NUP58: variants seen among roughly 807,000 people sequenced by gnomAD.
NUP58 encodes the protein nucleoporin p58/p45.
Under a neutral mutation model 70.1 loss-of-function variants are expected in NUP58, and 17 were observed. The observed-to-expected ratio is 0.24, with a 90% CI of 0.17 to 0.36. The LOEUF (loss-of-function observed/expected upper bound fraction) is 0.36. Ranked by LOEUF, NUP58 falls within the 10% of genes least tolerant of loss-of-function variation. The pLI is 1.00. For synonymous variants in NUP58, 275 were observed against 257.6 expected (o/e 1.07, Z -0.65); for missense variants, 644 against 701.5 (o/e 0.92, Z 0.93).
In NUP58 at chr13:25,339,533, T is replaced by G. The variant is rs73470468; in HGVS notation, c.1631-432T>G. 5.0e-3 allele frequency among the ~76,000 whole-genome samples: 755 copies of G among 152,366 alleles called. 4 individuals carry two copies. Among genetic ancestry groups the G allele is most frequent in the African/African-American group, 0.017 (707 of 41,594 alleles). ...CAGTAAGTACTGCTCTTTTGTTTGT[T>G]CATTGTCTTGAACATTGTGGGTTGA... On this transcript the variant is annotated intron_variant, in intron 15 of 15. Transcript: ENST00000381736.
At chr13:25,323,621 A>C (rs1593190003) in intron 9 of NUP58, among the ~76,000 whole-genome samples, 1 of 152,222 alleles carries the variant, frequency 6.6e-6, no homozygotes, top group African/African-American at 2.4e-5. Context: ...CTTTCTGGGA[A>C]ATATAAGCAG....
In NUP58 at chr13:25,313,604, C is replaced by T. The variant is rs765609266; in HGVS notation, c.437-10C>T. On this transcript the variant is annotated splice_polypyrimidine_tract_variant and intron_variant, in intron 4 of 15. Coordinates refer to ENST00000381736, the MANE Select transcript of NUP58 (RefSeq NM_014089.4). Reference sequence around the variant, plus strand: ...TGCCTTTTGAAAGCTTACTATCTCTCTTTTTATAGCATCCACAGGATTTAC... The same window carrying T: ...TGCCTTTTGAAAGCTTACTATCTCTTTTTTTATAGCATCCACAGGATTTAC... 4.8e-5 allele frequency: 72 copies of T among 1,485,062 alleles called. 2 individuals carry two copies. The South Asian group carries it at 1.0e-3, about 21-fold the overall frequency. The allele number at this position is 1,485,062 out of a possible 1,614,324, so 92.0% of individuals were successfully genotyped here. A position where few individuals can be genotyped will look rare whatever the true frequency, so the allele number is the denominator to read the frequency against.
intron 3 of NUP58, chr13:25,309,922 G>A (rs765125173): frequency 8.3e-6 from 2 of 241,492 alleles, no homozygotes; most frequent in East Asian, 1.6e-4. Context: ...AGGATTGGCA[G>A]ACTTTCTTCA....
intron 13 of NUP58, 56 bp from the exon 14 acceptor site, chr13:25,336,880 A>G: frequency 1.9e-6 from 2 of 1,075,268 alleles, no homozygotes; most frequent in Non-Finnish European, 2.7e-6. Flanking sequence ...TAATCTTGAA[A>G]GAGTAAGGCA....
At position 25,325,013 on chromosome 13, in the gene NUP58, T is replaced by C. The variant is rs375667491; in HGVS notation, c.976T>C (p.Leu326=). 1.2e-6 allele frequency: 2 copies of C among 1,609,530 alleles called. No individual in the cohort carries two copies. Among genetic ancestry groups the C allele is most frequent in the Admixed American group, 3.4e-5 (2 of 59,642 alleles). ...GGAGTTGAAGAATGCTGAAATAGCT[T>C]TAAGAACCCAGAAGACACCACCTGG... The part of the protein sequence containing the change: ...AQELKNAEIA[L]RTQKTPPGLQ... The change falls in exon 10 of 16, where the codon TTA becomes CTA. Residue 326 remains leucine (L), a synonymous_variant. Coordinates refer to ENST00000381736, the MANE Select transcript of NUP58 (RefSeq NM_014089.4).
In NUP58 at chr13:25,316,125, A is replaced by C. The variant is rs116960396; in HGVS notation, c.685+658A>C. Among the ~76,000 whole-genome samples the C allele has an allele frequency of 5.4e-3, 817 of 151,788 alleles. 33 individuals carry two copies. The East Asian group carries it at 0.093, about 17-fold the overall frequency. On this transcript the variant is annotated intron_variant, in intron 6 of 15. Transcript: ENST00000381736. ...GCTTAAAGAGAGGGATATTTTGGAG[A>C]CTCTTAGTGTATAGTTTGTGAAATC...
intron 12 of NUP58, among the ~76,000 whole-genome samples, chr13:25,329,350 CAAATGCCAGGTGT>C (rs1187255460): frequency 9.9e-5 from 15 of 152,108 alleles, no homozygotes; most frequent in Admixed American, 3.3e-4. Context: ...TATTTCAGAG[CAAATGCCAGGTGT>C]AAACGTACAT....
At chr13:25,312,477 C>T (rs1014374729) in intron 3 of NUP58, among the ~76,000 whole-genome samples, 6 of 152,194 alleles carry the variant, frequency 3.9e-5, no homozygotes, top group Admixed American at 3.3e-4. Flanking sequence ...AAGTGACTCT[C>T]GTACCTCAGC....
chr13:25,323,838 G>GC (rs1474566246), intron 9 of NUP58, among the ~76,000 whole-genome samples: 1 of 152,146 alleles, frequency 6.6e-6, no homozygotes, highest in Non-Finnish European at 1.5e-5. Context: ...TCTGTTATGT[G>GC]CCAGGTGCTT....
intron 5 of NUP58, among the ~76,000 whole-genome samples, chr13:25,314,494 G>A (rs915675215): frequency 1.6e-4 from 25 of 152,020 alleles, no homozygotes; most frequent in Admixed American, 1.1e-3. Flanking sequence ...TCAGGAGTTC[G>A]AGACCAGCCT....
intron 9 of NUP58, among the ~76,000 whole-genome samples, chr13:25,323,518 G>C (rs1445485481): frequency 6.6e-6 from 1 of 151,974 alleles, no homozygotes; most frequent in Non-Finnish European, 1.5e-5. Flanking sequence ...ACTCTACTAA[G>C]AGTCTAGTGA....
At chr13:25,307,507 C>G (rs1325986046) in intron 1 of NUP58, among the ~76,000 whole-genome samples, 4 of 152,126 alleles carry the variant, frequency 2.6e-5, no homozygotes, top group Non-Finnish European at 4.4e-5. Flanking sequence ...AGCCACCACA[C>G]CCAGCCTGAA....
intron 3 of NUP58, among the ~76,000 whole-genome samples, chr13:25,311,120 G>C (rs980493775): frequency 1.3e-5 from 2 of 152,204 alleles, no homozygotes; most frequent in African/African-American, 4.8e-5. Flanking sequence ...TTCAGAGAGA[G>C]GAGTGGCAAG....
chr13:25,329,994 A>G (rs542194893), intron 12 of NUP58, among the ~76,000 whole-genome samples: 83 of 152,052 alleles, frequency 5.5e-4, no homozygotes, highest in African/African-American at 1.4e-3. Context: ...ACACCTAGCT[A>G]ATTTTTTAAC....
At position 25,338,602 on chromosome 13, in the gene NUP58, G is replaced by A. The variant is rs1224362684; in HGVS notation, c.1535-34G>A. The A allele has an allele frequency of 4.1e-6, 6 of 1,471,674 alleles. No homozygotes were observed. In the South Asian group the frequency reaches 6.8e-5, roughly 17 times the overall value. The allele number at this position is 1,471,674 out of a possible 1,614,324, so 91.2% of individuals were successfully genotyped here. A position where few individuals can be genotyped will look rare whatever the true frequency, so the allele number is the denominator to read the frequency against. On this transcript the variant is annotated intron_variant, in intron 14 of 15. Coordinates refer to ENST00000381736, the MANE Select transcript of NUP58 (RefSeq NM_014089.4). ...ATATCCTTTAACCTGTGTTTTATGT[G>A]CCATTGTATATTTTTCTATTACCCT... is the stretch of plus-strand genomic sequence containing the variant.
intron 10 of NUP58, among the ~76,000 whole-genome samples, chr13:25,326,647 A>T (rs2031405847): frequency 6.6e-6 from 1 of 152,196 alleles, no homozygotes; most frequent in Non-Finnish European, 1.5e-5. Flanking sequence ...TAAAATTGTT[A>T]CAATATTATT....
In NUP58 at chr13:25,320,291, G is replaced by C. The variant is rs558144204; in HGVS notation, c.711-239G>C. 123 of 352,390 alleles carry C rather than the reference G, an allele frequency of 3.5e-4. No individual in the cohort carries two copies. The Middle Eastern group carries it at 4.7e-3, about 13-fold the overall frequency. 21.8% of individuals were successfully genotyped at this position (352,390 alleles called of 1,614,324 possible). On this transcript the variant is annotated intron_variant, in intron 7 of 15. Coordinates refer to ENST00000381736, the MANE Select transcript of NUP58 (RefSeq NM_014089.4). ...TATGCTTTTAAGTATGTTTTTAATAGATGCCAATCTTCTTAGATAAGAAAT... is the reference window on the plus strand; with the variant it reads ...TATGCTTTTAAGTATGTTTTTAATACATGCCAATCTTCTTAGATAAGAAAT...
intron 1 of NUP58, among the ~76,000 whole-genome samples, chr13:25,307,258 A>G (rs1210300468): frequency 7.8e-6 from 1 of 127,916 alleles, no homozygotes; most frequent in Non-Finnish European, 1.5e-5. Context: ...TCTGTCACTC[A>G]AACTGGAGTG....
chr13:25,319,521 TGAAA>T (rs1386565410), intron 7 of NUP58, among the ~76,000 whole-genome samples, 171 bp downstream of exon 7: 1 of 152,156 alleles, frequency 6.6e-6, no homozygotes, highest in Non-Finnish European at 1.5e-5. Flanking sequence ...GGTAAGATAA[TGAAA>T]GGTCAAATCT....
Sources: gnomAD v4.1 joint callset for allele counts (sites outside exome capture counted in the v4.1 genomes callset) on GRCh38, gnomAD v4.1.1 for gene constraint, MANE v1.5 for transcripts, NCBI Gene and HGNC (gene_info 2026-07-23, HGNC 2026-07-21) for gene names.